The following LRRC7 variants were observed in gnomAD, a reference collection of about 807,000 sequenced individuals.
LRRC7 encodes the protein leucine-rich repeat-containing protein 7.
In LRRC7, 23 loss-of-function variants were observed where a neutral mutation model predicts 175.7. The ratio of observed to expected loss-of-function variants is 0.13; its 90% confidence interval spans 0.09 to 0.19. The LOEUF is 0.19. Ranked by LOEUF, LRRC7 falls within the 10% of genes least tolerant of loss-of-function variation. The probability of loss-of-function intolerance (pLI) is 1.00; values close to 1 mark genes in which losing one functional copy is unlikely to be tolerated. For missense variants in LRRC7, 1,354 were observed against 1,904.7 expected (o/e 0.71, Z 5.38); for synonymous variants, 685 against 680.9 (o/e 1.01, Z -0.09).
chr1:69,954,035 C>G (rs1650232282), intron 8 of LRRC7, among the ~76,000 whole-genome samples: 1 of 151,964 alleles, frequency 6.6e-6, no homozygotes, highest in African/African-American at 2.4e-5. Context: ...TACCAGGTAC[C>G]TGGCCCAGCC....
chr1:69,981,775 C>T lies in LRRC7; in HGVS notation c.786+1322C>T, dbSNP rs1242139175. Reference sequence around the variant, plus strand: ...ATATATGCCAGCTAAAAGTTTATACCTCTTCTTCAATATATTTATTTATTA... The same window carrying T: ...ATATATGCCAGCTAAAAGTTTATACTTCTTCTTCAATATATTTATTTATTA... On this transcript the variant is annotated intron_variant, in intron 9 of 26. Transcript: ENST00000651989. Among the ~76,000 whole-genome samples the T allele has an allele frequency of 1.3e-5, 2 of 152,122 alleles. 1 individual carries two copies. Among genetic ancestry groups the T allele is most frequent in the East Asian group, 3.8e-4 (2 of 5,204 alleles).
chr1:69,956,050 A>G (rs1424550161), intron 8 of LRRC7, among the ~76,000 whole-genome samples: 1 of 151,992 alleles, frequency 6.6e-6, no homozygotes, highest in Non-Finnish European at 1.5e-5. Context: ...AGAGAAAAGT[A>G]AAGCTGAGAC....
intron 7 of LRRC7, among the ~76,000 whole-genome samples, chr1:69,897,698 C>G (rs956903345): frequency 7.9e-5 from 12 of 152,112 alleles, no homozygotes; most frequent in African/African-American, 2.9e-4. Flanking sequence ...AATGTTCTAG[C>G]AGAATCATTT....
Position 70,143,284 on chromosome 1 carries a change from C to T in LRRC7, c.*21397C>T, listed in dbSNP as rs929649348. The T allele has an allele frequency of 1.3e-5, 2 of 151,612 alleles. No homozygotes were observed. The highest frequency in any genetic ancestry group is 2.9e-5 in the Non-Finnish European group (2 of 67,934). 9.4% of individuals were successfully genotyped at this position (151,612 alleles called of 1,614,324 possible). A position where few individuals can be genotyped will look rare whatever the true frequency, so the allele number is the denominator to read the frequency against. On this transcript the variant is annotated 3_prime_UTR_variant, in exon 27 of 27. Transcript: ENST00000651989. ...ATCTTAAGGCCAAGTAACCAGAGCT[C>T]CTTTAGCCAGAGAAAGAACTTGAAT... is the stretch of plus-strand genomic sequence containing the variant.
intron 1 of LRRC7, among the ~76,000 whole-genome samples, chr1:69,672,875 T>C (rs970034043): frequency 6.6e-6 from 1 of 152,224 alleles, no homozygotes; most frequent in Non-Finnish European, 1.5e-5. Flanking sequence ...ATAATGTTAA[T>C]GAGCAGCCTG....
At chr1:70,046,558 A>G (rs1660346602) in intron 22 of LRRC7, among the ~76,000 whole-genome samples, 1 of 152,152 alleles carries the variant, frequency 6.6e-6, no homozygotes, top group South Asian at 2.1e-4. Context: ...AAAGATACAT[A>G]AGCAGGGCAA....
intron 7 of LRRC7, among the ~76,000 whole-genome samples, chr1:69,921,747 A>C (rs1039535231): frequency 2.6e-5 from 4 of 152,136 alleles, no homozygotes; most frequent in African/African-American, 9.7e-5. Flanking sequence ...TCTAAAATAA[A>C]AACCTGGTAT....
intron 2 of LRRC7, among the ~76,000 whole-genome samples, chr1:69,759,131 G>T (rs1670756595): frequency 6.6e-6 from 1 of 151,938 alleles, no homozygotes. Context: ...TTCCTAGGAA[G>T]ACATTCACAG....
chr1:69,964,464 C>G (rs959535291), intron 8 of LRRC7, among the ~76,000 whole-genome samples: 2 of 152,148 alleles, frequency 1.3e-5, no homozygotes, highest in East Asian at 3.9e-4. Flanking sequence ...GGATGCTACC[C>G]CACTCATTGG....
At chr1:69,805,222 T>C (rs975292835) in intron 4 of LRRC7, among the ~76,000 whole-genome samples, 2 of 151,750 alleles carry the variant, frequency 1.3e-5, no homozygotes, top group African/African-American at 4.8e-5. Context: ...TGCAAAACAC[T>C]GAAGACAAAT....
At chr1:69,611,032 T>C (rs1328503192) in intron 1 of LRRC7, among the ~76,000 whole-genome samples, 1 of 151,910 alleles carries the variant, frequency 6.6e-6, no homozygotes, top group Non-Finnish European at 1.5e-5. Context: ...TAAATTGAAT[T>C]CAACAAAAGG....
chr1:69,951,505 G>A lies in LRRC7; in HGVS notation c.711+19935G>A, dbSNP rs191864238. 9.2e-5 allele frequency among the ~76,000 whole-genome samples: 14 copies of A among 151,956 alleles called. No individual in the cohort carries two copies. In the East Asian group the frequency reaches 1.2e-3, roughly 13 times the overall value. ...CATGCATGCAAATGTTCATTGCAGC[G>A]CAGTTCACAATAGCAAAGGCATGGA... On this transcript the variant is annotated intron_variant, in intron 8 of 26. Transcript: ENST00000651989.
chr1:69,600,302 A>T (rs1309619612), intron 1 of LRRC7, among the ~76,000 whole-genome samples: 1 of 152,146 alleles, frequency 6.6e-6, no homozygotes, highest in African/African-American at 2.4e-5. Context: ...TTTATGTCCC[A>T]GAGAATCATC....
rs1399723396 is a variant in LRRC7, at chr1:70,101,098, T to G, written c.4546-6654T>G. On this transcript the variant is annotated intron_variant, in intron 25 of 26. Transcript: ENST00000651989. ...CCACAATATAGCTTCAATATTGATA[T>G]TGCCCACATTATGAAAGAAGATTAA... 2.0e-5 allele frequency among the ~76,000 whole-genome samples: 3 copies of G among 152,266 alleles called. No individual in the cohort carries two copies. In the East Asian group the frequency reaches 5.8e-4, roughly 29 times the overall value.
intron 1 of LRRC7, among the ~76,000 whole-genome samples, chr1:69,611,476 G>A (rs1648723970): frequency 6.6e-6 from 1 of 151,970 alleles, no homozygotes; most frequent in African/African-American, 2.4e-5. Flanking sequence ...TGCTCTTAGA[G>A]GAAATACAAG....
At chr1:69,728,830 AT>A (rs1311798376) in intron 2 of LRRC7, among the ~76,000 whole-genome samples, 2 of 152,204 alleles carry the variant, frequency 1.3e-5, no homozygotes, top group Non-Finnish European at 1.5e-5. Flanking sequence ...AAGCTGGATA[AT>A]GGCAATAGTA....
rs779176082 is a variant in LRRC7, at chr1:69,728,444, G to A, written c.101-31747G>A. On this transcript the variant is annotated intron_variant, in intron 2 of 26. Coordinates refer to ENST00000651989, the MANE Select transcript of LRRC7 (RefSeq NM_001370785.2). Reference sequence around the variant, plus strand: ...TAAAATATGCAGCAAGGGAAGGAAGGATAAAGCTATCCTGCAGTTCATTGG... The same window carrying A: ...TAAAATATGCAGCAAGGGAAGGAAGAATAAAGCTATCCTGCAGTTCATTGG... Among the ~76,000 whole-genome samples, 128 of 152,204 alleles carry A rather than the reference G, an allele frequency of 8.4e-4. 1 individual carries two copies. The highest frequency in any genetic ancestry group is 1.6e-3 in the Admixed American group (24 of 15,282).
chr1:69,912,931 A>G (rs1333031272), intron 7 of LRRC7, among the ~76,000 whole-genome samples: 5 of 152,176 alleles, frequency 3.3e-5, no homozygotes, highest in African/African-American at 1.2e-4. Context: ...TTAAAAGGTT[A>G]CTAATGAAGT....
rs980640448 is a variant in LRRC7 at position 70,128,968 on chromosome 1, G to A, written c.*7081G>A. Among the ~76,000 whole-genome samples the A allele has an allele frequency of 6.6e-6, 1 of 152,076 alleles. No homozygotes were observed. The highest frequency in any genetic ancestry group is 1.5e-5 in the Non-Finnish European group (1 of 68,022). Reference sequence around the variant, plus strand: ...CTCACATAAAGAGTGTCACGAAGCCGGGTGCGGTGACTTATGCCTGTAATC... The same window carrying A: ...CTCACATAAAGAGTGTCACGAAGCCAGGTGCGGTGACTTATGCCTGTAATC... On this transcript the variant is annotated 3_prime_UTR_variant, in exon 27 of 27. Coordinates refer to ENST00000651989, the MANE Select transcript of LRRC7 (RefSeq NM_001370785.2).
Sources: gnomAD v4.1 joint callset for allele counts (sites outside exome capture counted in the v4.1 genomes callset) on GRCh38, gnomAD v4.1.1 for gene constraint, MANE v1.5 for transcripts, NCBI Gene and HGNC (gene_info 2026-07-23, HGNC 2026-07-21) for gene names.